The following FRMPD4 variants were observed in gnomAD, a reference collection of about 807,000 sequenced individuals.
FRMPD4 encodes FERM and PDZ domain containing 4.
In FRMPD4, 22 loss-of-function variants were observed where a neutral mutation model predicts 94.1. That is an observed-to-expected ratio of 0.23 (90% CI 0.17 to 0.33). The LOEUF (loss-of-function observed/expected upper bound fraction) is 0.33, where lower values mean the gene tolerates loss of function less well. Among genes scored for constraint, FRMPD4 ranks in the 10% least tolerant of loss-of-function variants. The pLI, the probability that FRMPD4 is intolerant of heterozygous loss-of-function variation, is 1.00. For synonymous variants in FRMPD4, 631 were observed against 548.6 expected (o/e 1.15, Z -2.10); for missense variants, 1,111 against 1,339.9 (o/e 0.83, Z 2.67).
At chrX:12,528,319 G>GTTTTTT (rs62720861) in intron 2 of FRMPD4, among the ~76,000 whole-genome samples, 189 of 73,690 alleles carry the variant, frequency 2.6e-3, no homozygotes, top group Non-Finnish European at 3.7e-3. Flanking sequence ...TTTTGTTTTT[G>GTTTTTT]TTTTTTTTTT....
Position 12,721,787 on chromosome X carries a change from C to T in FRMPD4, c.5218C>T (p.Arg1740Ter), listed in dbSNP as rs778954293. The T allele has an allele frequency of 4.0e-6, 3 of 750,406 alleles. No homozygotes were observed. Among genetic ancestry groups the T allele is most frequent in the South Asian group, 6.9e-5 (1 of 14,558 alleles). 61.8% of individuals were successfully genotyped at this position (750,406 alleles called of 1,213,427 possible). A position where few individuals can be genotyped will look rare whatever the true frequency, so the allele number is the denominator to read the frequency against. Residue 1740 changes from arginine to a stop codon, truncating the protein, a stop_gained, in exon 17 of 17, where the codon CGA becomes TGA. Transcript: ENST00000675598. LOFTEE classifies it high-confidence loss of function. Reference protein sequence around the residue: ...PGDPNVGLSARHSTTMAALVS... With the variant: ...PGDPNVGLSA ...GGACCCTAATGTTGGACTCTCGGCGCGACACTCAACCACCATGGCCGCTCT... is the reference window on the plus strand; with the variant it reads ...GGACCCTAATGTTGGACTCTCGGCGTGACACTCAACCACCATGGCCGCTCT...
At chrX:12,126,965 T>A (rs2055505742) in intron 3 of FRMPD4, among the ~76,000 whole-genome samples, 1 of 112,004 alleles carries the variant, frequency 8.9e-6, no homozygotes, top group South Asian at 3.7e-4. Flanking sequence ...CCCCTACAAG[T>A]CTTTGTTCTG....
intron 1 of FRMPD4, among the ~76,000 whole-genome samples, chrX:12,466,888 C>T (rs1280329259): frequency 1.8e-5 from 2 of 111,774 alleles, no homozygotes; most frequent in Non-Finnish European, 3.8e-5. Context: ...GAAGGAACGT[C>T]GAAATTCTGG....
chrX:11,845,056 T>C (rs2053565882), intron 1 of FRMPD4, among the ~76,000 whole-genome samples: 1 of 112,332 alleles, frequency 8.9e-6, no homozygotes, highest in African/African-American at 3.2e-5. Context: ...GATATAATGA[T>C]TATCTCTTTA....
chrX:12,306,516 G>A (rs2054945219), intron 1 of FRMPD4, among the ~76,000 whole-genome samples: 1 of 112,025 alleles, frequency 8.9e-6, no homozygotes, highest in African/African-American at 3.2e-5. Context: ...AAAATTCAAT[G>A]TCTTTTAAAG....
chrX:12,171,858 C>T (rs2056232008), intron 1 of FRMPD4, among the ~76,000 whole-genome samples: 4 of 111,803 alleles, frequency 3.6e-5, no homozygotes, highest in Admixed American at 2.8e-4. Context: ...CACAATCTGG[C>T]TATCAGGTAC....
At chrX:12,477,206 C>CA (rs1357775242) in intron 1 of FRMPD4, among the ~76,000 whole-genome samples, 2 of 110,808 alleles carry the variant, frequency 1.8e-5, no homozygotes, top group Admixed American at 1.9e-4. Context: ...ATGGCAAGGA[C>CA]AAAAAACCAA....
chrX:11,932,014 T>C (rs928373882), intron 3 of FRMPD4, among the ~76,000 whole-genome samples: 1 of 111,990 alleles, frequency 8.9e-6, no homozygotes, highest in East Asian at 2.8e-4. Context: ...ATGCTTCATG[T>C]CTGATTAAAA....
At chrX:12,637,533 T>A (rs902378044) in intron 4 of FRMPD4, among the ~76,000 whole-genome samples, 13 of 111,021 alleles carry the variant, frequency 1.2e-4, no homozygotes, top group Admixed American at 9.7e-4. Flanking sequence ...TTTTAAAAAA[T>A]TAGCCAAGTG....
chrX:12,165,617 C>T (rs12689501), intron 1 of FRMPD4, among the ~76,000 whole-genome samples: 8,177 of 110,949 alleles, frequency 0.074, 892 homozygotes, highest in East Asian at 0.6. Context: ...GGGGATGGCA[C>T]TGAATCTATA....
chrX:12,346,642 A>G (rs1278844413), intron 1 of FRMPD4, among the ~76,000 whole-genome samples: 2 of 111,445 alleles, frequency 1.8e-5, no homozygotes, highest in Non-Finnish European at 3.8e-5. Flanking sequence ...AATAATTTGG[A>G]GTCTGCCTCC....
rs1237875409 is a variant in FRMPD4 at position 12,718,541 on chromosome X, C to T, written c.3715C>T (p.Leu1239Phe). The T allele has an allele frequency of 6.7e-6, 8 of 1,202,393 alleles. No individual in the cohort carries two copies. The highest frequency in any genetic ancestry group is 4.3e-5 in the Admixed American group (2 of 46,115). The change falls in exon 16 of 17, where the codon CTC becomes TTC. Residue 1239 changes from leucine to phenylalanine, a missense_variant. By Grantham distance (22) the Leu-to-Phe change is conservative (BLOSUM62 0). Around this residue, in one of 8 missense-constraint regions of FRMPD4, gnomAD observed 551 missense variants for 591.6 expected, o/e 0.93. Coordinates refer to ENST00000675598, the MANE Select transcript of FRMPD4 (RefSeq NM_001368397.1). ...SACATPVESP[L>F]CPSLGKHLIP... is the part of the protein sequence containing the mutation. ...CTGTGCCACACCCGTGGAGTCGCCG[C>T]TCTGCCCCTCCCTGGGGAAGCACTT... is the stretch of plus-strand genomic sequence containing the variant.
chrX:12,576,051 A>AT (rs376977129), intron 2 of FRMPD4, among the ~76,000 whole-genome samples: 14 of 112,454 alleles, frequency 1.2e-4, no homozygotes, highest in African/African-American at 4.5e-4. Context: ...CCAACTTTGT[A>AT]TACAGTTCCA....
chrX:12,214,765 A>G (rs2056787873), intron 1 of FRMPD4, among the ~76,000 whole-genome samples: 1 of 112,276 alleles, frequency 8.9e-6, no homozygotes, highest in Non-Finnish European at 1.9e-5. Flanking sequence ...AATATTAATC[A>G]TCTTCAAAAA....
At chrX:12,394,392 T>C (rs756794301) in intron 1 of FRMPD4, among the ~76,000 whole-genome samples, 17 of 112,090 alleles carry the variant, frequency 1.5e-4, no homozygotes, top group African/African-American at 5.2e-4. Context: ...CTTCACCCTG[T>C]AATCTTTTTT....
intron 1 of FRMPD4, among the ~76,000 whole-genome samples, chrX:12,323,927 G>T (rs1361056849): frequency 8.9e-6 from 1 of 111,854 alleles, no homozygotes; most frequent in Non-Finnish European, 1.9e-5. Flanking sequence ...TTGAATCCTG[G>T]TGTGGCTTAC....
At chrX:12,601,248 G>A (rs1294235982) in intron 2 of FRMPD4, among the ~76,000 whole-genome samples, 3 of 112,104 alleles carry the variant, frequency 2.7e-5, no homozygotes, top group Non-Finnish European at 1.9e-5. Flanking sequence ...ATTGATTAGC[G>A]GAGGTTAAAT....
At chrX:12,660,710 A>G (rs2059704847) in intron 4 of FRMPD4, among the ~76,000 whole-genome samples, 2 of 112,496 alleles carry the variant, frequency 1.8e-5, no homozygotes, top group African/African-American at 3.2e-5. Context: ...GGCTTAATGT[A>G]ATAATTAATA....
intron 1 of FRMPD4, among the ~76,000 whole-genome samples, chrX:12,424,882 T>C (rs1490727512): frequency 8.9e-6 from 1 of 112,976 alleles, no homozygotes; most frequent in African/African-American, 3.2e-5. Flanking sequence ...TCTTGTGTAC[T>C]GGGGCAAAGG....
Sources: allele counts gnomAD v4.1 joint callset (sites outside exome capture counted in the v4.1 genomes callset), GRCh38; gene constraint gnomAD v4.1.1; regional missense constraint gnomAD v4.1.1; transcripts MANE v1.5; gene names NCBI Gene and HGNC (gene_info 2026-07-23, HGNC 2026-07-21).